ATRNL1: variants seen among roughly 807,000 people sequenced by gnomAD.
The protein encoded by ATRNL1 is attractin-like protein 1.
In ATRNL1, 95 loss-of-function variants were observed where a neutral mutation model predicts 182.7. The ratio of observed to expected loss-of-function variants is 0.52; its 90% confidence interval spans 0.44 to 0.62. The LOEUF (loss-of-function observed/expected upper bound fraction) is 0.62. ATRNL1 is among the 20% of genes least tolerant of loss of function. The pLI, the probability that ATRNL1 is intolerant of heterozygous loss-of-function variation, is 0.00. For synonymous variants in ATRNL1, 576 were observed against 568.3 expected, an observed-to-expected ratio of 1.01 and a Z score of -0.19; for missense variants, 1,471 against 1,679.5, an observed-to-expected ratio of 0.88 and a Z score of 2.17.
intron 21 of ATRNL1, among the ~76,000 whole-genome samples, chr10:115,449,509 G>T (rs1206786799): frequency 6.6e-6 from 1 of 152,162 alleles, no homozygotes; most frequent in Non-Finnish European, 1.5e-5. Context: ...CATGGGTATG[G>T]ACACTTGAGC....
At chr10:115,604,667 A>C (rs11197345) in intron 26 of ATRNL1, among the ~76,000 whole-genome samples, 60,899 of 151,956 alleles carry the variant, frequency 0.4, 13,023 homozygotes, top group Middle Eastern at 0.49. Context: ...CCTACATCAC[A>C]GGCTATACTA....
chr10:115,502,541 A>AT (rs113320722), intron 24 of ATRNL1, among the ~76,000 whole-genome samples: 2 of 152,138 alleles, frequency 1.3e-5, no homozygotes, highest in Non-Finnish European at 2.9e-5. Flanking sequence ...AAGCCAATTA[A>AT]TTTTTTTTTA....
At chr10:115,724,879 G>A (rs1371859637) in intron 26 of ATRNL1, among the ~76,000 whole-genome samples, 2 of 152,144 alleles carry the variant, frequency 1.3e-5, no homozygotes, top group Non-Finnish European at 2.9e-5. Flanking sequence ...TCACACTAAA[G>A]CAAGAGTGCT....
intron 26 of ATRNL1, among the ~76,000 whole-genome samples, chr10:115,611,282 C>T (rs1409156555): frequency 4.6e-5 from 7 of 151,886 alleles, no homozygotes; most frequent in Admixed American, 1.3e-4. Context: ...AGTAGTATTT[C>T]GGGCTTACAA....
intron 24 of ATRNL1, among the ~76,000 whole-genome samples, chr10:115,486,815 G>A (rs1565094325): frequency 6.6e-6 from 1 of 152,104 alleles, no homozygotes; most frequent in Non-Finnish European, 1.5e-5. Flanking sequence ...CTTTGCCCAT[G>A]CCTATGTCCT....
At chr10:115,359,984 A>T (rs903530149) in intron 19 of ATRNL1, among the ~76,000 whole-genome samples, 38 of 151,654 alleles carry the variant, frequency 2.5e-4, no homozygotes, top group African/African-American at 9.2e-4. Flanking sequence ...CTGGAATTTC[A>T]AAGTAGTATA....
chr10:115,177,903 G>GTTTTTTTT (rs147613896), intron 8 of ATRNL1, among the ~76,000 whole-genome samples: 1 of 102,054 alleles, frequency 9.8e-6, no homozygotes, highest in Non-Finnish European at 1.9e-5. Flanking sequence ...TTGTTTTTTT[G>GTTTTTTTT]TTTTTTTTGT....
At chr10:115,869,066 T>C (rs982793938) in intron 28 of ATRNL1, among the ~76,000 whole-genome samples, 8 of 152,046 alleles carry the variant, frequency 5.3e-5, no homozygotes, top group Non-Finnish European at 5.9e-5. Context: ...CCTGACCTCG[T>C]GATCCGCCCG....
chr10:115,632,566 G>A (rs1447920832), intron 26 of ATRNL1, among the ~76,000 whole-genome samples: 1 of 152,104 alleles, frequency 6.6e-6, no homozygotes, highest in Non-Finnish European at 1.5e-5. Flanking sequence ...ACTCAAATAT[G>A]TAGATGATTT....
chr10:115,510,132 T>C (rs1850316341), intron 24 of ATRNL1, among the ~76,000 whole-genome samples: 2 of 152,046 alleles, frequency 1.3e-5, no homozygotes, highest in Non-Finnish European at 2.9e-5. Context: ...TAATGAGATG[T>C]TGGTTTTTAT....
At chr10:115,666,152 T>G (rs539097858) in intron 26 of ATRNL1, among the ~76,000 whole-genome samples, 1 of 152,334 alleles carries the variant, frequency 6.6e-6, no homozygotes, top group African/African-American at 2.4e-5. Flanking sequence ...AGATTCTTTC[T>G]CAAGCCTCAT....
At chr10:115,291,670 A>G (rs553391934) in intron 15 of ATRNL1, among the ~76,000 whole-genome samples, 1 of 151,988 alleles carries the variant, frequency 6.6e-6, no homozygotes, top group Non-Finnish European at 1.5e-5. Flanking sequence ...TTATTAATTT[A>G]TGTAGGTTGA....
At chr10:115,728,578 C>T (rs1289171300) in intron 27 of ATRNL1, among the ~76,000 whole-genome samples, 5 of 151,926 alleles carry the variant, frequency 3.3e-5, no homozygotes, top group African/African-American at 1.2e-4. Context: ...TAGAATCATT[C>T]AAAAACCTAG....
At chr10:115,294,338 A>T (rs782117214) in intron 15 of ATRNL1, among the ~76,000 whole-genome samples, 1 of 152,120 alleles carries the variant, frequency 6.6e-6, no homozygotes, top group Non-Finnish European at 1.5e-5. Flanking sequence ...AAGAAGAAAG[A>T]GTAATTATTT....
At chr10:115,416,470 A>G (rs546427728) in intron 20 of ATRNL1, among the ~76,000 whole-genome samples, 3 of 152,174 alleles carry the variant, frequency 2.0e-5, no homozygotes, top group Non-Finnish European at 4.4e-5. Flanking sequence ...TTTTTGAGCT[A>G]TAAATATTTA....
intron 26 of ATRNL1, among the ~76,000 whole-genome samples, chr10:115,563,891 A>T (rs941752112): frequency 3.9e-5 from 6 of 152,068 alleles, no homozygotes; most frequent in Non-Finnish European, 7.4e-5. Flanking sequence ...ACCAAAGAGG[A>T]TATCTTAAAA....
intron 26 of ATRNL1, among the ~76,000 whole-genome samples, chr10:115,604,581 A>AT: frequency 6.6e-6 from 1 of 152,206 alleles, no homozygotes; most frequent in African/African-American, 2.4e-5. Flanking sequence ...TCCTCTTCTG[A>AT]TTGACACCCT....
chr10:115,816,431 CG>C (rs1335865619), intron 27 of ATRNL1, among the ~76,000 whole-genome samples: 1 of 152,032 alleles, frequency 6.6e-6, no homozygotes. Context: ...TGCCAGATAC[CG>C]GGGCACTCAT....
chr10:115,264,404 G>A (rs12248853), intron 10 of ATRNL1, among the ~76,000 whole-genome samples: 1,978 of 151,644 alleles, frequency 0.013, 39 homozygotes, highest in African/African-American at 0.046. Flanking sequence ...AAAAAATCTT[G>A]TATCTATATG....
Sources: gnomAD v4.1 joint callset for allele counts (sites outside exome capture counted in the v4.1 genomes callset) on GRCh38, gnomAD v4.1.1 for gene constraint, MANE v1.5 for transcripts, NCBI Gene and HGNC (gene_info 2026-07-23, HGNC 2026-07-21) for gene names.